The following CDH8 variants were observed in gnomAD, a reference collection of about 807,000 sequenced individuals.
CDH8 encodes cadherin 8, also known as cadherin-8.
CDH8 carries 17 observed loss-of-function variants against 68.1 expected under a neutral mutation model. The ratio of observed to expected loss-of-function variants is 0.25; its 90% CI spans 0.17 to 0.37. The LOEUF is 0.37. Among genes scored for constraint, CDH8 ranks in the 10% least tolerant of loss-of-function variants. CDH8 has a pLI of 1.00. For missense variants in CDH8, 763 were observed against 999.3 expected (o/e 0.76, Z 3.19); for synonymous variants, 372 against 365.1 (o/e 1.02, Z -0.21).
chr16:61,736,076 A>G (rs1959669961), intron 8 of CDH8, among the ~76,000 whole-genome samples: 1 of 150,450 alleles, frequency 6.6e-6, no homozygotes, highest in Non-Finnish European at 1.5e-5. Flanking sequence ...CATCTCAAAG[A>G]CAAATGAAAA....
At chr16:62,015,739 A>C (rs1901923811) in intron 2 of CDH8, among the ~76,000 whole-genome samples, 1 of 152,052 alleles carries the variant, frequency 6.6e-6, no homozygotes, top group Non-Finnish European at 1.5e-5. Flanking sequence ...TGAGGGTGGA[A>C]CCCTCATGAA....
intron 2 of CDH8, among the ~76,000 whole-genome samples, chr16:61,936,625 T>C (rs1444896597): frequency 6.6e-6 from 1 of 152,120 alleles, no homozygotes; most frequent in Non-Finnish European, 1.5e-5. Flanking sequence ...CCTTCTGATA[T>C]CTAAGAAAGT....
intron 8 of CDH8, chr16:61,743,554 C>G (rs1431644271): frequency 6.6e-6 from 1 of 152,146 alleles, no homozygotes; most frequent in African/African-American, 2.4e-5. Flanking sequence ...GACTTGCCTT[C>G]TTATTTTCCC....
chr16:61,705,480 T>C (rs1964509961), intron 10 of CDH8, among the ~76,000 whole-genome samples: 1 of 152,212 alleles, frequency 6.6e-6, no homozygotes, highest in South Asian at 2.1e-4. Context: ...CGGATCACTG[T>C]GCATTTGGAA....
At position 61,794,455 on chromosome 16, in the gene CDH8, G is replaced by T. The variant is rs372477742; in HGVS notation, c.1278-4973C>A. ...AATGCTTATAAAATACTTATTAAGG[G>T]TCTGACACCAAAACAAAAGCTCTGT... is the stretch of plus-strand genomic sequence containing the variant. On this transcript the variant is annotated intron_variant, in intron 7 of 11. Coordinates refer to ENST00000577390, the MANE Select transcript of CDH8 (RefSeq NM_001796.5). 3.9e-5 allele frequency among the ~76,000 whole-genome samples: 6 copies of T among 152,056 alleles called. No individual in the cohort carries two copies. The East Asian group carries it at 7.7e-4, about 20-fold the overall frequency.
chr16:61,817,644 G>A lies in CDH8; in HGVS notation c.1112C>T (p.Pro371Leu). 1 of 1,613,794 alleles carries A rather than the reference G, an allele frequency of 6.2e-7. No individual in the cohort carries two copies. Among genetic ancestry groups the A allele is most frequent in the South Asian group, 1.1e-5 (1 of 91,064 alleles). The change falls in exon 7 of 12, where the codon CCC (proline) becomes CTC (leucine). Residue 371 changes from proline (P) to leucine (L), a missense_variant. Physicochemically the swap from Pro to Leu is moderately conservative, Grantham distance 98. Transcript: ENST00000577390. ...HIDPRFSGRG[P>L]FKDTATVKIV... is the part of the protein sequence containing the mutation. ...TTTGACTGTCGCCGTGTCTTTAAAG[G>A]GCCCCCTGCCACTGAAGCGTGGGTC...
chr16:61,663,936 T>C (rs1375072448), intron 10 of CDH8, among the ~76,000 whole-genome samples: 4 of 152,054 alleles, frequency 2.6e-5, no homozygotes. Flanking sequence ...TTAGAATTTC[T>C]GCACTTGATT....
intron 1 of CDH8, 48 bp downstream of exon 1, chr16:62,036,032 A>G (rs1464097642): frequency 2.6e-5 from 4 of 152,264 alleles, no homozygotes; most frequent in Admixed American, 2.6e-4. Context: ...TCCCTTCTGG[A>G]TAGTCGGAAC....
chr16:61,982,374 C>T (rs1397239292), intron 2 of CDH8, among the ~76,000 whole-genome samples: 1 of 152,138 alleles, frequency 6.6e-6, no homozygotes, highest in Non-Finnish European at 1.5e-5. Flanking sequence ...CGCCCGCCAC[C>T]TCGCCCGGCT....
chr16:62,003,421 T>C (rs1821531886), intron 2 of CDH8, among the ~76,000 whole-genome samples: 1 of 152,244 alleles, frequency 6.6e-6, no homozygotes, highest in Non-Finnish European at 1.5e-5. Context: ...ACGTGCTTTA[T>C]ATGCAATCTC....
chr16:62,012,143 G>A (rs551665735), intron 2 of CDH8, among the ~76,000 whole-genome samples: 2 of 152,266 alleles, frequency 1.3e-5, no homozygotes, highest in East Asian at 3.9e-4. Context: ...AAGAAATTCT[G>A]TAAACACTGT....
intron 8 of CDH8, among the ~76,000 whole-genome samples, chr16:61,756,333 C>T (rs575088853): frequency 2.3e-4 from 35 of 152,246 alleles, no homozygotes; most frequent in Admixed American, 9.2e-4. Context: ...ATTCTCTCCA[C>T]TTACAAATTT....
At chr16:61,778,876 G>A (rs1960966431) in intron 8 of CDH8, among the ~76,000 whole-genome samples, 1 of 152,084 alleles carries the variant, frequency 6.6e-6, no homozygotes, top group Non-Finnish European at 1.5e-5. Flanking sequence ...AGCCTGGGTT[G>A]GACAAAGCAA....
Position 62,021,496 on chromosome 16 carries a change from G to A in CDH8, c.-93C>T, listed in dbSNP as rs1902075112. The A allele has an allele frequency of 1.3e-6, 2 of 1,517,480 alleles. No homozygotes were observed. Among genetic ancestry groups the A allele is most frequent in the Admixed American group, 2.1e-5 (1 of 47,102 alleles). The allele number at this position is 1,517,480 out of a possible 1,614,324, so 94.0% of individuals were successfully genotyped here. A position where few individuals can be genotyped will look rare whatever the true frequency, so the allele number is the denominator to read the frequency against. ...CATCCAATTCATCATGCAGTGCCGA[G>A]CATTTACTTACAGCTCTGCCACGTG... On this transcript the variant is annotated 5_prime_UTR_variant, in exon 2 of 12. Transcript: ENST00000577390.
intron 8 of CDH8, among the ~76,000 whole-genome samples, chr16:61,736,136 G>A (rs1475920569): frequency 2.7e-5 from 4 of 148,568 alleles, no homozygotes; most frequent in African/African-American, 1.0e-4. Context: ...AGGAAGGAAG[G>A]AAGGAAGGAA....
At chr16:61,984,537 C>A (rs1965594586) in intron 2 of CDH8, among the ~76,000 whole-genome samples, 1 of 151,858 alleles carries the variant, frequency 6.6e-6, no homozygotes, top group Admixed American at 6.6e-5. Flanking sequence ...GCAATTCTCC[C>A]TCCTCAGCCT....
At chr16:62,014,532 A>G (rs997572830) in intron 2 of CDH8, among the ~76,000 whole-genome samples, 3 of 152,212 alleles carry the variant, frequency 2.0e-5, no homozygotes, top group South Asian at 2.1e-4. Context: ...CGCTCTTAAC[A>G]TGCAAACAGC....
Position 61,653,301 on chromosome 16 carries a change from A to T in CDH8, c.*307T>A. 4.2e-6 allele frequency: 5 copies of T among 1,186,260 alleles called. No homozygotes were observed. Among genetic ancestry groups the T allele is most frequent in the Non-Finnish European group, 5.2e-6 (5 of 961,282 alleles). 73.5% of individuals were successfully genotyped at this position (1,186,260 alleles called of 1,614,324 possible). A position where few individuals can be genotyped will look rare whatever the true frequency, so the allele number is the denominator to read the frequency against. On this transcript the variant is annotated 3_prime_UTR_variant, in exon 12 of 12. Coordinates refer to ENST00000577390, the MANE Select transcript of CDH8 (RefSeq NM_001796.5). ...AATTATGATTTTTTCCTCTATTTAA[A>T]CCATTTATCTAAGGATTAGCCAGGA... is the stretch of plus-strand genomic sequence containing the variant.
At chr16:62,028,750 A>G (rs934321300) in intron 1 of CDH8, among the ~76,000 whole-genome samples, 1 of 152,098 alleles carries the variant, frequency 6.6e-6, no homozygotes, top group African/African-American at 2.4e-5. Context: ...AAAAAAAAAA[A>G]AACGAGTATC....
Sources: allele counts gnomAD v4.1 joint callset (sites outside exome capture counted in the v4.1 genomes callset), GRCh38; gene constraint gnomAD v4.1.1; transcripts MANE v1.5; gene names NCBI Gene and HGNC (gene_info 2026-07-23, HGNC 2026-07-21).